The following LCORL variants were observed in gnomAD, a reference collection of about 807,000 sequenced individuals.
LCORL encodes the protein ligand dependent nuclear receptor corepressor like, also known as ligand-dependent nuclear receptor corepressor-like protein.
In LCORL, 41 loss-of-function variants were observed where a neutral mutation model predicts 141.8. The ratio of observed to expected loss-of-function variants is 0.29; its 90% CI spans 0.23 to 0.38. The LOEUF is 0.38. Ranked by LOEUF, LCORL falls within the 10% of genes least tolerant of loss-of-function variation. LCORL has a pLI of 1.00. For missense variants in LCORL, 1,759 were observed against 2,035.0 expected, an observed-to-expected ratio of 0.86 and a Z score of 2.61; for synonymous variants, 618 against 694.1, an observed-to-expected ratio of 0.89 and a Z score of 1.72.
chr4:17,874,527 T>C, exon 7 of LCORL: 2 of 1,233,848 alleles, frequency 1.6e-6, no homozygotes, highest in Non-Finnish European at 2.0e-6. Context: ...AGGTGAAACT[T>C]CAAGTTCTAA....
At chr4:17,856,484 C>T (rs1316328598) in intron 7 of LCORL, among the ~76,000 whole-genome samples, 1 of 152,184 alleles carries the variant, frequency 6.6e-6, no homozygotes, top group Non-Finnish European at 1.5e-5. Flanking sequence ...GATCTTGGAC[C>T]TTCCAGCCTC....
chr4:17,886,348 C>G (rs938639981), intron 5 of LCORL, among the ~76,000 whole-genome samples, 187 bp from the exon 6 acceptor site: 1 of 151,908 alleles, frequency 6.6e-6, no homozygotes, highest in African/African-American at 2.4e-5. Flanking sequence ...AAAAAAAGAA[C>G]AGAGGAGGAG....
At chr4:17,904,629 G>T (rs552320420) in intron 5 of LCORL, among the ~76,000 whole-genome samples, 2 of 152,036 alleles carry the variant, frequency 1.3e-5, no homozygotes, top group African/African-American at 4.8e-5. Flanking sequence ...CAATTGCCCT[G>T]GAACTATTTA....
intron 1 of LCORL, among the ~76,000 whole-genome samples, chr4:17,990,832 C>T (rs1455091993): frequency 6.6e-6 from 1 of 151,878 alleles, no homozygotes; most frequent in Admixed American, 6.6e-5. Flanking sequence ...GTCAAAGCCA[C>T]CAGTGAATGT....
chr4:17,903,068 G>C (rs534312105), intron 5 of LCORL, among the ~76,000 whole-genome samples: 1 of 151,906 alleles, frequency 6.6e-6, no homozygotes, highest in Non-Finnish European at 1.5e-5. Flanking sequence ...CTGCAGAAAC[G>C]CCCTAAATGC....
intron 1 of LCORL, among the ~76,000 whole-genome samples, chr4:17,990,112 T>TG (rs1330471892): frequency 6.7e-6 from 1 of 150,044 alleles, no homozygotes; most frequent in Non-Finnish European, 1.5e-5. Context: ...TTTTTTTTTT[T>TG]TTTTGAAATG....
rs985931922 is a variant in LCORL, at chr4:17,977,132, C to T, written c.155-4247G>A. Among the ~76,000 whole-genome samples, 6 of 152,052 alleles carry T rather than the reference C, an allele frequency of 3.9e-5. No individual in the cohort carries two copies. The South Asian group carries it at 1.2e-3, about 32-fold the overall frequency. On this transcript the variant is annotated intron_variant, in intron 1 of 7. Coordinates refer to ENST00000635767, the Ensembl canonical transcript of LCORL. The stretch of plus-strand genomic sequence containing the variant: ...ACTCAATAGAATAATTTTTAGCTTT[C>T]TCTGTATTGTTGCTGGTTATCACCA...
Position 17,884,734 on chromosome 4 carries a change from T to C in LCORL, c.776+1334A>G. The C allele has an allele frequency of 6.8e-7, 1 of 1,479,100 alleles. No homozygotes were observed. The highest frequency in any genetic ancestry group is 9.0e-7 in the Non-Finnish European group (1 of 1,116,430). 91.6% of individuals were successfully genotyped at this position (1,479,100 alleles called of 1,614,324 possible). A position where few individuals can be genotyped will look rare whatever the true frequency, so the allele number is the denominator to read the frequency against. ...CAGCACTTCTTTCCACATAGTCCTCTCTGTTTCTGTGTAGTCTCCTGGATG... is the reference window on the plus strand; with the variant it reads ...CAGCACTTCTTTCCACATAGTCCTCCCTGTTTCTGTGTAGTCTCCTGGATG... On this transcript the variant is annotated intron_variant, in intron 6 of 7. Transcript: ENST00000635767. This position sits in a 1 kb window ranked among gnomAD's most constrained non-coding sequence, Gnocchi z 4.4.
chr4:17,877,116 C>G, exon 7 of LCORL: 1 of 1,230,756 alleles, frequency 8.1e-7, no homozygotes, highest in Non-Finnish European at 1.0e-6. Flanking sequence ...TAAAGACTGC[C>G]TTCTAAACAT....
chr4:18,021,753 T>C lies in LCORL; in HGVS notation c.-2A>G. 6.7e-7 allele frequency: 1 copy of C among 1,493,328 alleles called. No homozygotes were observed. The highest frequency in any genetic ancestry group is 8.9e-7 in the Non-Finnish European group (1 of 1,125,976). The allele number at this position is 1,493,328 out of a possible 1,614,324, so 92.5% of individuals were successfully genotyped here. A position where few individuals can be genotyped will look rare whatever the true frequency, so the allele number is the denominator to read the frequency against. ...CATTCTCTCTCTTCCCTTGTCCATC[T>C]GCGTCCCGCGTCACGCGCCCTCATT... On this transcript the variant is annotated 5_prime_UTR_variant, in exon 1 of 8. Transcript: ENST00000635767. The surrounding 1 kb of genome is among the most constrained non-coding windows in gnomAD (Gnocchi z 5.5).
intron 4 of LCORL, among the ~76,000 whole-genome samples, chr4:17,957,638 A>C (rs1017512273): frequency 1.4e-4 from 21 of 152,056 alleles, no homozygotes; most frequent in Non-Finnish European, 2.9e-5. Context: ...GATTTTTATC[A>C]GAAATGTAAA....
At chr4:17,852,752 C>G (rs536745549) in intron 7 of LCORL, among the ~76,000 whole-genome samples, 18 of 152,208 alleles carry the variant, frequency 1.2e-4, no homozygotes, top group Admixed American at 7.2e-4. Context: ...TGTGCATTTG[C>G]AAAGTGTGAA....
chr4:17,941,118 T>G (rs1737873792), intron 4 of LCORL, among the ~76,000 whole-genome samples: 1 of 152,134 alleles, frequency 6.6e-6, no homozygotes, highest in Admixed American at 6.5e-5. Flanking sequence ...GGCTCACGCC[T>G]GTAATGCCAG....
At chr4:17,909,138 A>G in exon 5 of LCORL, 1 of 1,612,932 alleles carries the variant, frequency 6.2e-7, no homozygotes. Context: ...AGTGAGGTCT[A>G]AGGGGCCTTC....
At chr4:17,882,694 G>A in intron 6 of LCORL, 1 of 984,664 alleles carries the variant, frequency 1.0e-6, no homozygotes, top group Non-Finnish European at 1.2e-6. Context: ...AACTGAAAAT[G>A]TTTTGAAATG....
intron 4 of LCORL, among the ~76,000 whole-genome samples, chr4:17,943,763 G>C (rs2109493236): frequency 6.6e-6 from 1 of 152,258 alleles, no homozygotes; most frequent in East Asian, 1.9e-4. Context: ...AAAGAATACA[G>C]AATCATAGGA....
intron 4 of LCORL, among the ~76,000 whole-genome samples, chr4:17,929,474 G>A (rs989473887): frequency 6.6e-6 from 1 of 152,090 alleles, no homozygotes; most frequent in Non-Finnish European, 1.5e-5. Context: ...CTCATATACA[G>A]TTAATTTATT....
chr4:17,917,156 G>A (rs1195014469), intron 4 of LCORL, among the ~76,000 whole-genome samples: 1 of 151,710 alleles, frequency 6.6e-6, no homozygotes, highest in East Asian at 1.9e-4. Context: ...TGTATTTTTA[G>A]TAGACGGGGT....
intron 4 of LCORL, among the ~76,000 whole-genome samples, chr4:17,919,447 A>G (rs1180522431): frequency 2.6e-5 from 4 of 152,234 alleles, no homozygotes; most frequent in African/African-American, 9.6e-5. Flanking sequence ...CAAATAAAAA[A>G]AACCTATCCA....
Sources: allele counts gnomAD v4.1 joint callset (sites outside exome capture counted in the v4.1 genomes callset), GRCh38; gene constraint gnomAD v4.1.1; non-coding constraint Gnocchi (gnomAD v3.1); transcripts MANE v1.5; gene names NCBI Gene and HGNC (gene_info 2026-07-23, HGNC 2026-07-21).